PCDH17: variants seen among roughly 807,000 people sequenced by gnomAD.
PCDH17 encodes protocadherin-17.
PCDH17 carries 21 observed loss-of-function variants against 67.7 expected under a neutral mutation model. That is an observed-to-expected ratio of 0.31 (90% CI 0.22 to 0.45). PCDH17 has a LOEUF of 0.45. PCDH17 is among the 20% of genes least tolerant of loss of function. The pLI, the probability that PCDH17 is intolerant of heterozygous loss-of-function variation, is 1.00. For missense variants in PCDH17, 1,471 were observed against 1,564.8 expected (o/e 0.94, Z 1.01); for synonymous variants, 701 against 656.7 (o/e 1.07, Z -1.03).
At chr13:57,673,755 G>T (rs1435884598) in intron 3 of PCDH17, among the ~76,000 whole-genome samples, 1 of 151,918 alleles carries the variant, frequency 6.6e-6, no homozygotes, top group Non-Finnish European at 1.5e-5. Flanking sequence ...CTAAGAAACT[G>T]CAGTATTTGC....
intron 3 of PCDH17, among the ~76,000 whole-genome samples, chr13:57,699,213 A>T (rs750982696): frequency 6.6e-6 from 1 of 151,874 alleles, no homozygotes; most frequent in Non-Finnish European, 1.5e-5. Flanking sequence ...GTTCATACCT[A>T]GTTTTGTTTC....
intron 1 of PCDH17, among the ~76,000 whole-genome samples, chr13:57,656,443 C>A (rs1593905495): frequency 6.6e-6 from 1 of 152,128 alleles, no homozygotes; most frequent in Admixed American, 6.5e-5. Flanking sequence ...AGTAATATCA[C>A]CAATTTATCT....
intron 3 of PCDH17, among the ~76,000 whole-genome samples, chr13:57,711,982 A>G (rs1955781065): frequency 6.6e-6 from 1 of 151,558 alleles, no homozygotes; most frequent in Admixed American, 6.6e-5. Context: ...TAGTAATAAA[A>G]CAACTATACT....
chr13:57,639,369 A>C (rs1411443609), intron 1 of PCDH17, among the ~76,000 whole-genome samples: 1 of 151,874 alleles, frequency 6.6e-6, no homozygotes, highest in South Asian at 2.1e-4. Context: ...AAGTCCAAAA[A>C]TTGTTATCAT....
intron 3 of PCDH17, among the ~76,000 whole-genome samples, chr13:57,671,517 T>C (rs1955322503): frequency 6.6e-6 from 1 of 152,046 alleles, no homozygotes. Flanking sequence ...TTTAAGTAAG[T>C]ACTGTATCTT....
intron 3 of PCDH17, among the ~76,000 whole-genome samples, chr13:57,675,755 G>C (rs764883284): frequency 6.6e-6 from 1 of 151,926 alleles, no homozygotes; most frequent in Non-Finnish European, 1.5e-5. Flanking sequence ...TGGAAGCCCA[G>C]TGATGCAAAG....
At chr13:57,695,161 A>G (rs1955594587) in intron 3 of PCDH17, among the ~76,000 whole-genome samples, 1 of 151,284 alleles carries the variant, frequency 6.6e-6, no homozygotes, top group South Asian at 2.1e-4. Context: ...ATTAAAATCA[A>G]ATGTGTAGAG....
intron 1 of PCDH17, among the ~76,000 whole-genome samples, chr13:57,657,780 G>A (rs1955126300): frequency 6.6e-6 from 1 of 152,134 alleles, no homozygotes; most frequent in Admixed American, 6.6e-5. Flanking sequence ...TTATTTCTGT[G>A]TACCCCTGGA....
chr13:57,687,651 C>A (rs2138057116), intron 3 of PCDH17, among the ~76,000 whole-genome samples: 1 of 151,364 alleles, frequency 6.6e-6, no homozygotes, highest in Admixed American at 6.6e-5. Flanking sequence ...CTGTACAGTG[C>A]CTTTCATTTG....
intron 1 of PCDH17, among the ~76,000 whole-genome samples, chr13:57,640,167 G>T (rs974183665): frequency 6.6e-6 from 1 of 151,738 alleles, no homozygotes; most frequent in Non-Finnish European, 1.5e-5. Flanking sequence ...CATGTTTCAG[G>T]ACTATTCTTG....
intron 3 of PCDH17, among the ~76,000 whole-genome samples, chr13:57,690,957 A>G (rs1431666795): frequency 3.3e-5 from 5 of 151,472 alleles, no homozygotes; most frequent in Non-Finnish European, 7.4e-5. Flanking sequence ...CAGTATCAAC[A>G]TTTTGGCAGA....
chr13:57,709,365 A>C (rs1955753458), intron 3 of PCDH17, among the ~76,000 whole-genome samples: 1 of 151,752 alleles, frequency 6.6e-6, no homozygotes, highest in Admixed American at 6.6e-5. Flanking sequence ...ATTTTATTTA[A>C]GGTTAATGAA....
chr13:57,648,731 T>A (rs1050848389), intron 1 of PCDH17, among the ~76,000 whole-genome samples: 5 of 152,004 alleles, frequency 3.3e-5, no homozygotes, highest in African/African-American at 1.2e-4. Context: ...GGATTCATAT[T>A]ACCTTAGAGT....
At chr13:57,690,653 A>G (rs1312048112) in intron 3 of PCDH17, among the ~76,000 whole-genome samples, 1 of 151,656 alleles carries the variant, frequency 6.6e-6, no homozygotes, top group Non-Finnish European at 1.5e-5. Context: ...GTGAAATGGT[A>G]TATTTAATGT....
chr13:57,689,431 A>G (rs1945278371), intron 3 of PCDH17, among the ~76,000 whole-genome samples: 1 of 152,010 alleles, frequency 6.6e-6, no homozygotes, highest in Non-Finnish European at 1.5e-5. Flanking sequence ...TAGAAGAGGG[A>G]TTGTATTGGA....
chr13:57,643,719 T>G (rs1284203803), intron 1 of PCDH17, among the ~76,000 whole-genome samples: 1 of 151,720 alleles, frequency 6.6e-6, no homozygotes, highest in Non-Finnish European at 1.5e-5. Context: ...ATATTAAGGA[T>G]TCCATACAAA....
chr13:57,638,941 C>A (rs1014864333), intron 1 of PCDH17, among the ~76,000 whole-genome samples: 13 of 151,946 alleles, frequency 8.6e-5, no homozygotes, highest in Non-Finnish European at 1.3e-4. Flanking sequence ...ATACTCTAGC[C>A]TATTAATGAT....
At chr13:57,691,154 G>A (rs1955554958) in intron 3 of PCDH17, among the ~76,000 whole-genome samples, 1 of 151,248 alleles carries the variant, frequency 6.6e-6, no homozygotes, top group South Asian at 2.1e-4. Flanking sequence ...AAGTAATTAT[G>A]AAGAAATATT....
chr13:57,723,444 T>A (rs954001320), intron 3 of PCDH17, among the ~76,000 whole-genome samples: 2 of 152,204 alleles, frequency 1.3e-5, no homozygotes, highest in Admixed American at 1.3e-4. Context: ...GCTGCTATTT[T>A]AAATATATGT....
Sources: allele counts gnomAD v4.1 joint callset (sites outside exome capture counted in the v4.1 genomes callset), GRCh38; gene constraint gnomAD v4.1.1; transcripts MANE v1.5; gene names NCBI Gene and HGNC (gene_info 2026-07-23, HGNC 2026-07-21).